ANKRD27: variants seen among roughly 807,000 people sequenced by gnomAD.
ANKRD27 encodes the protein ankyrin repeat domain 27.
In ANKRD27, 112 loss-of-function variants were observed where a neutral mutation model predicts 129.7. The observed-to-expected ratio is 0.86, with a 90% CI of 0.74 to 1.01. The LOEUF (loss-of-function observed/expected upper bound fraction) is 1.01, where lower values mean the gene tolerates loss of function less well. Among genes scored for constraint, ANKRD27 ranks in the 50% least tolerant of loss-of-function variants. ANKRD27 has a pLI of 0.00. For missense variants in ANKRD27, 1,258 were observed against 1,300.5 expected, an observed-to-expected ratio of 0.97 and a Z score of 0.50; for synonymous variants, 516 against 511.2, an observed-to-expected ratio of 1.01 and a Z score of -0.13.
intron 22 of ANKRD27, among the ~76,000 whole-genome samples, chr19:32,610,276 C>T (rs1971815036): frequency 6.6e-6 from 1 of 151,894 alleles, no homozygotes; most frequent in Non-Finnish European, 1.5e-5. Context: ...CGCCACTGCA[C>T]TCCAGCCTGG....
intron 13 of ANKRD27, among the ~76,000 whole-genome samples, chr19:32,630,230 C>A (rs772531964): frequency 1.3e-5 from 2 of 152,262 alleles, no homozygotes; most frequent in African/African-American, 2.4e-5. Flanking sequence ...CTGGTGCTTC[C>A]TGGACGTGCT....
chr19:32,639,315 G>C, intron 12 of ANKRD27, 41 bp downstream of exon 12: 2 of 1,613,070 alleles, frequency 1.2e-6, no homozygotes, highest in South Asian at 1.1e-5. Flanking sequence ...AGGGAACCAT[G>C]ATGCCCACAA....
At chr19:32,630,207 C>G (rs910865657) in intron 13 of ANKRD27, among the ~76,000 whole-genome samples, 2 of 152,226 alleles carry the variant, frequency 1.3e-5, no homozygotes, top group Admixed American at 1.3e-4. Context: ...ACACACAAAC[C>G]TGCAGAGCTC....
intron 20 of ANKRD27, 88 bp from the exon 21 acceptor site, chr19:32,617,721 G>T: frequency 5.2e-6 from 3 of 579,252 alleles, no homozygotes; most frequent in Admixed American, 2.9e-5. Flanking sequence ...AAATCTATTG[G>T]CTTGATTTGT....
rs993728624 is a variant in ANKRD27 at position 32,629,855 on chromosome 19, T to G, written c.1210-1006A>C. On this transcript the variant is annotated intron_variant, in intron 13 of 28. Coordinates refer to ENST00000306065, the MANE Select transcript of ANKRD27 (RefSeq NM_032139.3). ...GTTCCTCTTGTGTTCTTTTTTTTTT[T>G]TTTTTTTTTTTTCAGTGAATCCCTA... Among the ~76,000 whole-genome samples, 384 of 149,882 alleles carry G rather than the reference T, an allele frequency of 2.6e-3. 3 individuals carry two copies. Among genetic ancestry groups the G allele is most frequent in the Non-Finnish European group, 4.4e-3 (294 of 67,462 alleles).
intron 1 of ANKRD27, among the ~76,000 whole-genome samples, chr19:32,665,320 C>G (rs7253387): frequency 0.11 from 15,571 of 148,276 alleles, 1,074 homozygotes; most frequent in East Asian, 0.26. Context: ...GACAGAGTCT[C>G]GCTCTCTCAC....
At chr19:32,631,018 G>C (rs1051653172) in intron 13 of ANKRD27, among the ~76,000 whole-genome samples, 1 of 151,784 alleles carries the variant, frequency 6.6e-6, no homozygotes, top group Admixed American at 6.6e-5. Flanking sequence ...CCACCACCCT[G>C]ATCATTTTTT....
At chr19:32,636,561 T>C (rs1967093727) in intron 12 of ANKRD27, 1 of 151,008 alleles carries the variant, frequency 6.6e-6, no homozygotes, top group South Asian at 2.1e-4. Context: ...AATGCTAAAA[T>C]ATTAATAAGT....
Position 32,643,084 on chromosome 19 carries a change from C to T in ANKRD27, c.782+39G>A, listed in dbSNP as rs28522766. On this transcript the variant is annotated intron_variant, in intron 9 of 28. Transcript: ENST00000306065. ...CTTCCGGGAGAAGACAGCACCCCTG[C>T]CTCTGAGGACACCAAGCCGCTGTGG... 4,635 of 1,602,670 alleles carry T rather than the reference C, an allele frequency of 2.9e-3. 118 individuals are homozygous for T. The African/African-American group carries it at 0.053, about 18-fold the overall frequency.
rs548334637 is a variant in ANKRD27, at chr19:32,622,160, T to C, written c.1827+262A>G. Among the ~76,000 whole-genome samples the C allele has an allele frequency of 1.2e-3, 179 of 152,230 alleles. 1 individual carries two copies. Among genetic ancestry groups the C allele is most frequent in the African/African-American group, 4.2e-3 (173 of 41,544 alleles). On this transcript the variant is annotated intron_variant, in intron 18 of 28. Transcript: ENST00000306065. ...CGTTTCTACCCACTCCATTTGCCAA[T>C]AAATCAATAGCACTCGGCAGCCAGA...
At chr19:32,629,013 C>A (rs373178288) in intron 13 of ANKRD27, among the ~76,000 whole-genome samples, 164 bp from the exon 14 acceptor site, 52 of 152,222 alleles carry the variant, frequency 3.4e-4, no homozygotes, top group African/African-American at 1.1e-3. Flanking sequence ...CTCTGCCTCC[C>A]GGGTTCAAGC....
intron 2 of ANKRD27, among the ~76,000 whole-genome samples, chr19:32,652,055 T>C (rs559289501): frequency 1.3e-5 from 2 of 151,822 alleles, no homozygotes; most frequent in East Asian, 3.9e-4. Context: ...CGGGGAGGAG[T>C]TGCCTGGGAT....
chr19:32,628,105 A>G lies in ANKRD27; in HGVS notation c.1398T>C (p.Pro466=), dbSNP rs755057490. Residue 466 remains proline, a synonymous_variant, in exon 15 of 29, where the codon CCT becomes CCC. Transcript: ENST00000306065. The stretch of plus-strand genomic sequence containing the variant: ...TACCACAGACAGCAGCCACATGGAG[A>G]GGGGTGTGCCCCCTGTCGTCTCTGG... ...PFSRDDRGHT[P]LHVAAVCGQA... 21 of 1,614,092 alleles carry G rather than the reference A, an allele frequency of 1.3e-5. No homozygotes were observed. The East Asian group carries it at 4.7e-4, about 36-fold the overall frequency.
At chr19:32,651,850 T>C (rs1302776543) in intron 2 of ANKRD27, among the ~76,000 whole-genome samples, 1 of 152,192 alleles carries the variant, frequency 6.6e-6, no homozygotes, top group African/African-American at 2.4e-5. Flanking sequence ...AGTGCATGTT[T>C]ACTGGGTAAA....
Position 32,602,086 on chromosome 19 carries a change from C to G in ANKRD27, c.2696G>C (p.Cys899Ser). Residue 899 changes from cysteine to serine, a missense_variant, in exon 26 of 29, where the codon TGT becomes TCT. Cys to Ser is a moderately radical substitution (Grantham distance 112, BLOSUM62 -1). Coordinates refer to ENST00000306065, the MANE Select transcript of ANKRD27 (RefSeq NM_032139.3). ...AGCCACATCATCTAATGAAGCAACA[C>G]AGCTTGGTACCACCTGAAGCAATTC... The part of the protein sequence containing the change: ...IMELLQVVPS[C>S]VASLDDVAET... The G allele has an allele frequency of 6.2e-7, 1 of 1,613,976 alleles. No individual in the cohort carries two copies. The highest frequency in any genetic ancestry group is 8.5e-7 in the Non-Finnish European group (1 of 1,179,916).
At chr19:32,619,459 A>C in intron 19 of ANKRD27, 35 bp downstream of exon 19, 1 of 1,613,992 alleles carries the variant, frequency 6.2e-7, no homozygotes, top group Non-Finnish European at 8.5e-7. Context: ...CTTGGTCTCC[A>C]AGGTAACCTG....
chr19:32,654,033 T>C (rs1387063300), intron 2 of ANKRD27, among the ~76,000 whole-genome samples: 2 of 152,148 alleles, frequency 1.3e-5, no homozygotes, highest in Non-Finnish European at 2.9e-5. Flanking sequence ...CCCCAGTAGC[T>C]GGGATTATAG....
At position 32,634,721 on chromosome 19, in the gene ANKRD27, G is replaced by A. The variant is rs535189800; in HGVS notation, c.1117-3227C>T. Among the ~76,000 whole-genome samples, 18 of 152,228 alleles carry A rather than the reference G, an allele frequency of 1.2e-4. No homozygotes were observed. In the East Asian group the frequency reaches 3.3e-3, roughly 28 times the overall value. ...ACTTGAGGTCAAGGGTTCAAGACGA[G>A]CCCAGCCAACATGGCAAAATCCTAT... On this transcript the variant is annotated intron_variant, in intron 12 of 28. Transcript: ENST00000306065.
At chr19:32,644,557 G>C (rs1967266603) in intron 4 of ANKRD27, 78 bp from the exon 5 acceptor site, 1 of 1,503,372 alleles carries the variant, frequency 6.7e-7, no homozygotes, top group Non-Finnish European at 9.0e-7. Flanking sequence ...CAGGGCCTAG[G>C]CCCTCTGGGG....
Sources: gnomAD v4.1 joint callset for allele counts (sites outside exome capture counted in the v4.1 genomes callset) on GRCh38, gnomAD v4.1.1 for gene constraint, MANE v1.5 for transcripts, NCBI Gene and HGNC (gene_info 2026-07-23, HGNC 2026-07-21) for gene names.